The following BCKDHB variants were observed in gnomAD, a reference collection of about 807,000 sequenced individuals.
BCKDHB encodes branched chain keto acid dehydrogenase E1 subunit beta.
Under a neutral mutation model 48.5 loss-of-function variants are expected in BCKDHB, and 41 were observed. That is an observed-to-expected ratio of 0.85 (90% CI 0.66 to 1.10). The LOEUF (loss-of-function observed/expected upper bound fraction) is 1.10. Ranked by LOEUF, BCKDHB falls within the 50% of genes least tolerant of loss-of-function variation. The probability of loss-of-function intolerance (pLI) is 0.00; values close to 1 mark genes in which losing one functional copy is unlikely to be tolerated. For missense variants in BCKDHB, 496 were observed against 494.2 expected (o/e 1.00, Z -0.03); for synonymous variants, 201 against 174.8 (o/e 1.15, Z -1.18).
intron 6 of BCKDHB, among the ~76,000 whole-genome samples, chr6:80,177,062 ACAAAAAATG>A (rs1350076295): frequency 6.6e-6 from 1 of 151,522 alleles, no homozygotes; most frequent in Non-Finnish European, 1.5e-5. Flanking sequence ...CTGTCTCTAC[ACAAAAAATG>A]CAAAATGTAG....
At chr6:80,263,179 TG>T (rs1562185562) in intron 8 of BCKDHB, among the ~76,000 whole-genome samples, 1 of 152,160 alleles carries the variant, frequency 6.6e-6, no homozygotes, top group African/African-American at 2.4e-5. Flanking sequence ...TGCTCTCCAT[TG>T]GGCGTGACAG....
the BCKDHB span, among the ~76,000 whole-genome samples, chr6:80,354,320 C>G: frequency 6.6e-6 from 1 of 152,098 alleles, no homozygotes; most frequent in Non-Finnish European, 1.5e-5. Flanking sequence ...CTCTGCCTCA[C>G]GGGTTCAAAC....
the BCKDHB span, among the ~76,000 whole-genome samples, chr6:80,395,574 G>A: frequency 6.6e-6 from 1 of 152,202 alleles, no homozygotes; most frequent in Non-Finnish European, 1.5e-5. Context: ...AGGAAGCAGA[G>A]CATAAAAGTT....
At chr6:80,130,467 T>TA (rs1332558014) in intron 3 of BCKDHB, among the ~76,000 whole-genome samples, 2 of 152,168 alleles carry the variant, frequency 1.3e-5, no homozygotes, top group African/African-American at 4.8e-5. Flanking sequence ...ACTTCCAGCT[T>TA]AGTCTTTTCT....
At chr6:80,374,188 G>T in the BCKDHB span, 1 of 723,620 alleles carries the variant, frequency 1.4e-6, no homozygotes, top group African/African-American at 1.7e-5. Context: ...CTGTAGGTCT[G>T]GCAGCACATC....
At chr6:80,233,731 G>C (rs978249705) in intron 8 of BCKDHB, among the ~76,000 whole-genome samples, 3 of 152,166 alleles carry the variant, frequency 2.0e-5, no homozygotes, top group African/African-American at 7.2e-5. Flanking sequence ...TTGTTAGACT[G>C]AGTACTCTTT....
chr6:80,108,269 A>T (rs937942610), intron 1 of BCKDHB, among the ~76,000 whole-genome samples: 2 of 150,716 alleles, frequency 1.3e-5, no homozygotes, highest in Non-Finnish European at 3.0e-5. Context: ...GCGTCCCAGT[A>T]TTGTGAAACA....
chr6:80,281,067 T>G lies in BCKDHB; in HGVS notation c.1038+7846T>G, dbSNP rs75981388. ...GTGTGTGTATAAGGTAATGAGTACA[T>G]TTTAGATTTGTATCTGAAATGGGGA... On this transcript the variant is annotated intron_variant, in intron 9 of 9. Coordinates refer to ENST00000320393, the MANE Select transcript of BCKDHB (RefSeq NM_183050.4). Among the ~76,000 whole-genome samples the G allele has an allele frequency of 6.7e-3, 1,023 of 152,106 alleles. 2 individuals carry two copies. The highest frequency in any genetic ancestry group is 0.011 in the Non-Finnish European group (719 of 67,974).
chr6:80,246,693 C>G (rs1562171775), intron 8 of BCKDHB, among the ~76,000 whole-genome samples: 1 of 152,180 alleles, frequency 6.6e-6, no homozygotes, highest in East Asian at 1.9e-4. Flanking sequence ...TTACAGAATC[C>G]AAAATGGCTC....
intron 9 of BCKDHB, among the ~76,000 whole-genome samples, chr6:80,296,672 G>A (rs1346266837): frequency 1.3e-5 from 2 of 151,800 alleles, no homozygotes; most frequent in Non-Finnish European, 2.9e-5. Context: ...TTAATGAGCA[G>A]ATCAGTGCTA....
chr6:80,247,714 T>TA (rs1294537811), intron 8 of BCKDHB, among the ~76,000 whole-genome samples: 2 of 152,224 alleles, frequency 1.3e-5, no homozygotes, highest in East Asian at 1.9e-4. Context: ...ATTAGAGACT[T>TA]ACAGTGAAGG....
At chr6:80,328,779 C>T (rs1159266774) in intron 9 of BCKDHB, among the ~76,000 whole-genome samples, 4 of 152,022 alleles carry the variant, frequency 2.6e-5, no homozygotes, top group Admixed American at 6.6e-5. Flanking sequence ...TTTTAATCAG[C>T]CTTAGTGACT....
chr6:80,416,834 C>T, the BCKDHB span, among the ~76,000 whole-genome samples: 1 of 149,684 alleles, frequency 6.7e-6, no homozygotes, highest in Non-Finnish European at 1.5e-5. Flanking sequence ...TTTTTATTTG[C>T]TTTTTTTGTT....
chr6:80,383,863 A>G, the BCKDHB span, among the ~76,000 whole-genome samples: 1 of 152,166 alleles, frequency 6.6e-6, no homozygotes. Context: ...TTTTTTATAT[A>G]CATTCTATCT....
chr6:80,234,044 G>T (rs376970087), intron 8 of BCKDHB, among the ~76,000 whole-genome samples: 1 of 152,008 alleles, frequency 6.6e-6, no homozygotes, highest in African/African-American at 2.4e-5. Context: ...TAGATCCCTC[G>T]CATGCACAGT....
At chr6:80,258,454 A>T (rs1409462654) in intron 8 of BCKDHB, among the ~76,000 whole-genome samples, 1 of 152,268 alleles carries the variant, frequency 6.6e-6, no homozygotes, top group African/African-American at 2.4e-5. Context: ...CATCAACCTT[A>T]TAAACATCTT....
chr6:80,279,269 T>C (rs1461717203), intron 9 of BCKDHB, among the ~76,000 whole-genome samples: 1 of 152,098 alleles, frequency 6.6e-6, no homozygotes, highest in African/African-American at 2.4e-5. Context: ...TTCTCCTGCC[T>C]CAGCCTCCCA....
chr6:80,431,165 T>C, the BCKDHB span, among the ~76,000 whole-genome samples: 1 of 152,246 alleles, frequency 6.6e-6, no homozygotes. Context: ...TCTAATTTGA[T>C]TGCACTGTGG....
intron 9 of BCKDHB, among the ~76,000 whole-genome samples, chr6:80,278,835 C>G (rs927396376): frequency 6.6e-6 from 1 of 152,108 alleles, no homozygotes; most frequent in Non-Finnish European, 1.5e-5. Context: ...TTTCCCCATT[C>G]TTTCCTGGGA....
Sources: allele counts gnomAD v4.1 joint callset (sites outside exome capture counted in the v4.1 genomes callset), GRCh38; gene constraint gnomAD v4.1.1; transcripts MANE v1.5; gene names NCBI Gene and HGNC (gene_info 2026-07-23, HGNC 2026-07-21).